The following PI4KA variants were observed in gnomAD, a reference collection of about 807,000 sequenced individuals.
PI4KA encodes PI4-kinase alpha.
Under a neutral mutation model 271.4 loss-of-function variants are expected in PI4KA, and 122 were observed. The ratio of observed to expected loss-of-function variants is 0.45; its 90% CI spans 0.39 to 0.52. The LOEUF (loss-of-function observed/expected upper bound fraction) is 0.52. Ranked by LOEUF, PI4KA falls within the 20% of genes least tolerant of loss-of-function variation. The pLI, the probability that PI4KA is intolerant of heterozygous loss-of-function variation, is 0.00. For missense variants in PI4KA, 1,969 were observed against 2,769.1 expected, an observed-to-expected ratio of 0.71 and a Z score of 6.48; for synonymous variants, 1,041 against 1,078.8, an observed-to-expected ratio of 0.96 and a Z score of 0.69.
rs436062 is a variant in PI4KA, at chr22:20,733,708, C to T, written c.4160+28G>A. On this transcript the variant is annotated intron_variant, in intron 35 of 54. Coordinates refer to ENST00000255882, the MANE Select transcript of PI4KA (RefSeq NM_058004.4). Reference sequence around the variant, plus strand: ...TTGGAGGGGCTGCGCCGTCCCTGGACGCTGCACAGCACATCTTGGGGGAGT... The same window carrying T: ...TTGGAGGGGCTGCGCCGTCCCTGGATGCTGCACAGCACATCTTGGGGGAGT... 2.8e-5 allele frequency: 45 copies of T among 1,613,808 alleles called. No homozygotes were observed. The African/African-American group carries it at 2.9e-4, about 11-fold the overall frequency.
chr22:20,806,539 A>C (rs1240770917), intron 10 of PI4KA, among the ~76,000 whole-genome samples: 1 of 151,544 alleles, frequency 6.6e-6, no homozygotes, highest in Non-Finnish European at 1.5e-5. Flanking sequence ...ACGTGGTGGC[A>C]CATGCCTGTA....
intron 3 of PI4KA, among the ~76,000 whole-genome samples, chr22:20,827,203 T>G (rs575313932): frequency 2.0e-4 from 30 of 152,332 alleles, no homozygotes; most frequent in Middle Eastern, 3.4e-3. Context: ...ATCTAGATCT[T>G]TAATCCATCT....
chr22:20,715,479 CT>C (rs897169674), intron 45 of PI4KA, among the ~76,000 whole-genome samples: 6 of 152,066 alleles, frequency 3.9e-5, no homozygotes, highest in African/African-American at 1.2e-4. Context: ...TAAGACGTTT[CT>C]TTTTTTCTTT....
At chr22:20,742,538 G>A in intron 31 of PI4KA, 70 bp downstream of exon 31, 1 of 1,584,472 alleles carries the variant, frequency 6.3e-7, no homozygotes, top group Non-Finnish European at 8.7e-7. Context: ...ACTCCAGCTG[G>A]CTATGGGTCA....
At chr22:20,774,943 C>T (rs532381570) in intron 19 of PI4KA, among the ~76,000 whole-genome samples, 48 of 152,138 alleles carry the variant, frequency 3.2e-4, no homozygotes, top group African/African-American at 1.9e-4. Flanking sequence ...TGGTAAATCT[C>T]GGTACGGGTA....
rs772826752 is a variant in PI4KA, at chr22:20,742,636, C to T, written c.3585G>A (p.Lys1195=). The T allele has an allele frequency of 6.2e-7, 1 of 1,614,182 alleles. No individual in the cohort carries two copies. The highest frequency in any genetic ancestry group is 8.5e-7 in the Non-Finnish European group (1 of 1,180,028). The change falls in exon 31 of 55, where the codon AAG becomes AAA. Residue 1195 remains lysine, a synonymous_variant. Transcript: ENST00000255882. ...TACTGCTAATGAGCATTGCGGTCAGCTTGAACATGGCCTGCGTGTAGTGCT... is the reference window on the plus strand; with the variant it reads ...TACTGCTAATGAGCATTGCGGTCAGTTTGAACATGGCCTGCGTGTAGTGCT... The part of the protein sequence containing the change: ...HPQHYTQAMF[K]LTAMLISSKD...
At chr22:20,794,515 C>T (rs1477772261) in intron 18 of PI4KA, among the ~76,000 whole-genome samples, 1 of 152,128 alleles carries the variant, frequency 6.6e-6, no homozygotes, top group Non-Finnish European at 1.5e-5. Flanking sequence ...ACATGACTGT[C>T]GGAGGGCCCG....
In PI4KA at chr22:20,718,799, G is replaced by T. The variant is rs1214614775; in HGVS notation, c.5140C>A (p.Gln1714Lys). The T allele has an allele frequency of 3.7e-6, 6 of 1,613,918 alleles. No homozygotes were observed. Among genetic ancestry groups the T allele is most frequent in the Non-Finnish European group, 5.1e-6 (6 of 1,179,944 alleles). The change falls in exon 44 of 55, where the codon CAG (glutamine) becomes AAG (lysine). Residue 1714 changes from glutamine to lysine, a missense_variant. By Grantham distance (53) the Gln-to-Lys change is moderately conservative. Around this residue, in one of 13 missense-constraint regions of PI4KA, gnomAD observed 388 missense variants for 521.5 expected, o/e 0.74. Transcript: ENST00000255882. Reference protein sequence around the residue: ...KDPDIGDLLDQLVEEITGSLS... With the variant: ...KDPDIGDLLDKLVEEITGSLS... ...GAGCCTGTGATCTCCTCTACCAACT[G>T]ATCCAGGAGGTCGCCGATGTCAGCT... is the stretch of plus-strand genomic sequence containing the variant.
At chr22:20,806,286 A>G (rs1419702696) in intron 10 of PI4KA, among the ~76,000 whole-genome samples, 1 of 152,224 alleles carries the variant, frequency 6.6e-6, no homozygotes, top group Non-Finnish European at 1.5e-5. Context: ...TGCATAAAAG[A>G]TTGTTTCCTC....
intron 39 of PI4KA, among the ~76,000 whole-genome samples, chr22:20,728,354 A>G (rs142007915): frequency 1.7e-4 from 26 of 152,370 alleles, no homozygotes; most frequent in African/African-American, 5.5e-4. Context: ...TTTTAAAAAG[A>G]GGATTATAAT....
chr22:20,752,831 T>C (rs1206802233), intron 25 of PI4KA, 72 bp downstream of exon 25: 12 of 1,514,650 alleles, frequency 7.9e-6, no homozygotes, highest in Non-Finnish European at 1.1e-5. Flanking sequence ...ATAAGGATGA[T>C]TTTTCCCAGC....
At chr22:20,724,137 CATTA>C (rs71186681) in intron 42 of PI4KA, among the ~76,000 whole-genome samples, 34 of 150,828 alleles carry the variant, frequency 2.3e-4, no homozygotes, top group African/African-American at 8.0e-4. Context: ...TGCGCCTAGC[CATTA>C]ATTAATTAAA....
At chr22:20,721,234 T>C (rs1926701893) in intron 43 of PI4KA, 64 bp downstream of exon 43, 2 of 1,578,828 alleles carry the variant, frequency 1.3e-6, no homozygotes, top group Non-Finnish European at 1.7e-6. Flanking sequence ...CTGGGGGCTG[T>C]AGAAGGTGCT....
chr22:20,755,932 T>G (rs1195007781), intron 23 of PI4KA, among the ~76,000 whole-genome samples: 1 of 152,216 alleles, frequency 6.6e-6, no homozygotes, highest in Non-Finnish European at 1.5e-5. Flanking sequence ...CCAGTGTTTT[T>G]AATTTGCATG....
intron 10 of PI4KA, among the ~76,000 whole-genome samples, chr22:20,805,567 T>G (rs1196201410): frequency 1.3e-5 from 2 of 152,048 alleles, no homozygotes; most frequent in African/African-American, 2.4e-5. Flanking sequence ...GCGCGGTGGC[T>G]CACGCCTGTA....
chr22:20,857,372 T>A (rs1196135294), intron 1 of PI4KA, among the ~76,000 whole-genome samples: 1 of 152,124 alleles, frequency 6.6e-6, no homozygotes. Context: ...AAATCAAATA[T>A]GAGAACCGAC....
intron 23 of PI4KA, among the ~76,000 whole-genome samples, chr22:20,756,691 T>A (rs1275147894): frequency 4.6e-5 from 7 of 152,106 alleles, no homozygotes; most frequent in Non-Finnish European, 8.8e-5. Flanking sequence ...AGCGCAGTGG[T>A]GTGATCTTGG....
Position 20,752,959 on chromosome 22 carries a change from GTGGT to G in PI4KA, c.2927_2930del (p.Asn976ThrfsTer6). 1 of 1,614,104 alleles carries G rather than the reference GTGGT, an allele frequency of 6.2e-7. No homozygotes were observed. The highest frequency in any genetic ancestry group is 8.5e-7 in the Non-Finnish European group (1 of 1,179,916). The stretch of plus-strand genomic sequence containing the variant: ...CCACCCTCCTTATCCTCTTGTGGAT[GTGGT>G]TGAAGTTCACCAACAGGAACTGAGC... On this transcript the variant is annotated frameshift_variant, in exon 25 of 55. Transcript: ENST00000255882. LOFTEE classifies it high-confidence loss of function.
intron 27 of PI4KA, 144 bp downstream of exon 27, chr22:20,751,149 C>T (rs1930639558): frequency 1.5e-6 from 1 of 652,000 alleles, no homozygotes; most frequent in Admixed American, 2.8e-5. Flanking sequence ...GGCTTGGTCT[C>T]CTCACTGGGG....
Sources: allele counts gnomAD v4.1 joint callset (sites outside exome capture counted in the v4.1 genomes callset), GRCh38; gene constraint gnomAD v4.1.1; regional missense constraint gnomAD v4.1.1; transcripts MANE v1.5; gene names NCBI Gene and HGNC (gene_info 2026-07-23, HGNC 2026-07-21).